Variants in DEPDC5 observed in about 807,000 individuals in gnomAD.
DEPDC5 encodes DEP domain containing 5, GATOR1 subcomplex subunit.
A neutral mutation model predicts 217.3 loss-of-function variants in DEPDC5; 73 were observed. That is an observed-to-expected ratio of 0.34 (90% CI 0.28 to 0.41). The LOEUF is 0.41. Among genes scored for constraint, DEPDC5 ranks in the 10% least tolerant of loss-of-function variants. The pLI, the probability that DEPDC5 is intolerant of heterozygous loss-of-function variation, is 1.00. For missense variants in DEPDC5, 1,675 were observed against 2,070.1 expected (o/e 0.81, Z 3.70); for synonymous variants, 733 against 756.7 (o/e 0.97, Z 0.51).
intron 20 of DEPDC5, among the ~76,000 whole-genome samples, chr22:31,811,366 G>A (rs932866655): frequency 6.6e-6 from 1 of 152,046 alleles, no homozygotes; most frequent in African/African-American, 2.4e-5. Flanking sequence ...CACCATGCCT[G>A]GCTGGTTCTT....
chr22:31,822,342 A>G (rs1440546220), intron 23 of DEPDC5, among the ~76,000 whole-genome samples: 1 of 152,206 alleles, frequency 6.6e-6, no homozygotes, highest in Non-Finnish European at 1.5e-5. Flanking sequence ...TCTTAACCAG[A>G]TGAACTCAGG....
intron 34 of DEPDC5, 95 bp downstream of exon 34, chr22:31,870,839 G>A: frequency 7.4e-7 from 1 of 1,350,980 alleles, no homozygotes; most frequent in Non-Finnish European, 9.7e-7. Flanking sequence ...TCTGGGCCGA[G>A]TTCTGACTCT....
At chr22:31,905,068 T>A (rs2093732333) in intron 41 of DEPDC5, among the ~76,000 whole-genome samples, 1 of 152,050 alleles carries the variant, frequency 6.6e-6, no homozygotes, top group East Asian at 1.9e-4. Flanking sequence ...AGAACTGTAA[T>A]AAATGTGCCT....
At chr22:31,792,199 TC>T in intron 11 of DEPDC5, 97 bp downstream of exon 11, 1 of 860,604 alleles carries the variant, frequency 1.2e-6, no homozygotes. Flanking sequence ...GTTGCACTTT[TC>T]CACCCTTCCC....
At chr22:31,813,153 C>A (rs1270254944) in intron 20 of DEPDC5, among the ~76,000 whole-genome samples, 4 of 152,198 alleles carry the variant, frequency 2.6e-5, no homozygotes, top group Non-Finnish European at 5.9e-5. Context: ...CCTTTTCTCT[C>A]ATCCAGTCCT....
intron 24 of DEPDC5, chr22:31,831,356 C>T (rs910230544): frequency 6.6e-6 from 1 of 152,168 alleles, no homozygotes; most frequent in Admixed American, 6.5e-5. Flanking sequence ...CATGTATCTT[C>T]TAGTATAACG....
rs545436498 is a variant in DEPDC5, at chr22:31,785,311, A to T, written c.624+436A>T. On this transcript the variant is annotated intron_variant, in intron 10 of 42. Transcript: ENST00000651528. ...GTATTAGAGCTAATGCATTCAGCAA[A>T]GTTTCAGGATACCCAATCAACACAC... 3.3e-5 allele frequency among the ~76,000 whole-genome samples: 5 copies of T among 152,342 alleles called. No homozygotes were observed. The East Asian group carries it at 9.6e-4, about 29-fold the overall frequency.
Position 31,843,683 on chromosome 22 carries a change from G to T in DEPDC5, c.2672G>T (p.Ser891Ile). 1 of 1,613,524 alleles carries T rather than the reference G, an allele frequency of 6.2e-7. No homozygotes were observed. The part of the protein sequence containing the change: ...YESAQIHYTY[S>I]LCPSHSDSEF... ...TCTGCCCAGATCCACTACACCTACA[G>T]CCTCTGTCCTTCCCACTCAGACTCA... The change falls in exon 29 of 43, where the codon AGC becomes ATC. Residue 891 changes from serine (S) to isoleucine (I), a missense_variant. By Grantham distance (142) the Ser-to-Ile change is moderately radical. This residue lies in a region of DEPDC5 where 293 missense variants were observed against 386.1 expected (regional missense o/e 0.76). Coordinates refer to ENST00000651528, the MANE Select transcript of DEPDC5 (RefSeq NM_001242896.3).
intron 38 of DEPDC5, among the ~76,000 whole-genome samples, chr22:31,880,907 C>G (rs1023493193): frequency 4.0e-5 from 6 of 151,772 alleles, no homozygotes. Flanking sequence ...ACCAGGTACT[C>G]GGGAGGCTGA....
At chr22:31,860,817 GTTTAGTAACA>G (rs1488234498) in intron 32 of DEPDC5, among the ~76,000 whole-genome samples, 7 of 151,766 alleles carry the variant, frequency 4.6e-5, no homozygotes, top group Non-Finnish European at 8.8e-5. Context: ...GGCTGCCCAT[GTTTAGTAACA>G]GGCAGAAAAA....
intron 7 of DEPDC5, 25 bp downstream of exon 7, chr22:31,768,888 T>C: frequency 2.5e-6 from 4 of 1,613,020 alleles, no homozygotes; most frequent in Non-Finnish European, 3.4e-6. Context: ...ACTCTTGCCT[T>C]ATCTGTGCAG....
intron 25 of DEPDC5, chr22:31,836,752 A>G: frequency 3.9e-6 from 2 of 512,946 alleles, no homozygotes; most frequent in Non-Finnish European, 6.9e-6. Flanking sequence ...TCCCATTTGC[A>G]TGATGGGATT....
intron 38 of DEPDC5, among the ~76,000 whole-genome samples, chr22:31,886,927 C>G (rs2093328910): frequency 6.7e-6 from 1 of 148,256 alleles, no homozygotes; most frequent in African/African-American, 2.5e-5. Flanking sequence ...ACTAAAGATA[C>G]AAAAAATTAG....
intron 33 of DEPDC5, among the ~76,000 whole-genome samples, chr22:31,868,138 A>G (rs1044538232): frequency 6.6e-6 from 1 of 152,058 alleles, no homozygotes; most frequent in South Asian, 2.1e-4. Context: ...TTTTATTATT[A>G]TTGTTATTTT....
intron 20 of DEPDC5, among the ~76,000 whole-genome samples, chr22:31,812,570 G>A (rs1445251537): frequency 3.9e-5 from 5 of 127,366 alleles, no homozygotes; most frequent in African/African-American, 5.5e-5. Flanking sequence ...GACTACAGGC[G>A]CCCACCACCA....
intron 32 of DEPDC5, among the ~76,000 whole-genome samples, chr22:31,860,500 G>A (rs538947527): frequency 8.5e-5 from 13 of 152,224 alleles, no homozygotes; most frequent in Admixed American, 4.6e-4. Context: ...AAAAGATTCC[G>A]AAAGGAAAGA....
chr22:31,901,269 G>T (rs565060713), intron 40 of DEPDC5, among the ~76,000 whole-genome samples: 1 of 151,978 alleles, frequency 6.6e-6, no homozygotes, highest in Non-Finnish European at 1.5e-5. Flanking sequence ...AAATTAGTTG[G>T]CCATAGTGGT....
chr22:31,879,972 T>C, intron 38 of DEPDC5: 1 of 557,894 alleles, frequency 1.8e-6, no homozygotes, highest in Non-Finnish European at 3.2e-6. Flanking sequence ...TTAGCACCTC[T>C]CAAATCAGAA....
intron 38 of DEPDC5, among the ~76,000 whole-genome samples, chr22:31,892,809 A>G (rs968899066): frequency 6.6e-6 from 1 of 150,936 alleles, no homozygotes; most frequent in African/African-American, 2.4e-5. Flanking sequence ...ATAAACCTAC[A>G]TTGACATCAT....
Sources: gnomAD v4.1 joint callset for allele counts (sites outside exome capture counted in the v4.1 genomes callset) on GRCh38, gnomAD v4.1.1 for gene constraint, gnomAD v4.1.1 regional missense constraint, MANE v1.5 for transcripts, NCBI Gene and HGNC (gene_info 2026-07-23, HGNC 2026-07-21) for gene names.